KCNIP4: variants seen among roughly 807,000 people sequenced by gnomAD.
KCNIP4 encodes the protein potassium voltage-gated channel interacting protein 4, also known as Kv channel-interacting protein 4.
A neutral mutation model predicts 34.0 loss-of-function variants in KCNIP4; 12 were observed. That is an observed-to-expected ratio of 0.35 (90% confidence interval 0.23 to 0.57). The LOEUF (loss-of-function observed/expected upper bound fraction) is 0.57. Ranked by LOEUF, KCNIP4 falls within the 20% of genes least tolerant of loss-of-function variation. The probability of loss-of-function intolerance (pLI) is 0.83; values close to 1 mark genes in which losing one functional copy is unlikely to be tolerated. For missense variants in KCNIP4, 238 were observed against 311.7 expected, an observed-to-expected ratio of 0.76 and a Z score of 1.78; for synonymous variants, 124 against 102.2, an observed-to-expected ratio of 1.21 and a Z score of -1.29.
chr4:21,025,473 T>TGAGAGAGAGA (rs33926876), intron 1 of KCNIP4, among the ~76,000 whole-genome samples: 175 of 95,122 alleles, frequency 1.8e-3, no homozygotes, highest in African/African-American at 6.2e-3. Flanking sequence ...TGAAAACAAC[T>TGAGAGAGAGA]GAGAGAGAGA....
At chr4:21,138,567 T>G (rs796205530) in intron 1 of KCNIP4, among the ~76,000 whole-genome samples, 9 of 152,146 alleles carry the variant, frequency 5.9e-5, no homozygotes, top group African/African-American at 2.2e-4. Flanking sequence ...TTGTTTTACA[T>G]CCCTGTGGTT....
At chr4:21,399,239 G>A (rs1348054947) in intron 1 of KCNIP4, among the ~76,000 whole-genome samples, 1 of 152,176 alleles carries the variant, frequency 6.6e-6, no homozygotes, top group Non-Finnish European at 1.5e-5. Context: ...CCAGGGTGTA[G>A]GTTCTGTTAG....
intron 2 of KCNIP4, among the ~76,000 whole-genome samples, chr4:20,864,277 T>C (rs1722625131): frequency 6.6e-6 from 1 of 151,610 alleles, no homozygotes; most frequent in South Asian, 2.1e-4. Flanking sequence ...TGTACACATA[T>C]GTATGCATAT....
At chr4:21,404,102 C>G (rs1723770199) in intron 1 of KCNIP4, among the ~76,000 whole-genome samples, 1 of 152,210 alleles carries the variant, frequency 6.6e-6, no homozygotes, top group Non-Finnish European at 1.5e-5. Context: ...ACCTGTGGTT[C>G]TTGCTCTCAC....
intron 1 of KCNIP4, among the ~76,000 whole-genome samples, chr4:21,367,457 G>A: frequency 6.7e-6 from 1 of 148,914 alleles, no homozygotes; most frequent in East Asian, 2.0e-4. Context: ...TGTCCTGTAT[G>A]CTGGAGACTC....
intron 3 of KCNIP4, among the ~76,000 whole-genome samples, chr4:20,777,947 G>T (rs1756518727): frequency 6.6e-6 from 1 of 152,162 alleles, no homozygotes; most frequent in Admixed American, 6.5e-5. Flanking sequence ...CACAGCCTTG[G>T]TGGGAAGCTA....
chr4:21,297,781 TTTAC>T (rs890929755), intron 1 of KCNIP4, among the ~76,000 whole-genome samples: 38 of 69,638 alleles, frequency 5.5e-4, no homozygotes, highest in Admixed American at 2.1e-3. Context: ...TACCTATGCT[TTTAC>T]TAATGTCTCT....
At chr4:21,165,582 G>A (rs1034317843) in intron 1 of KCNIP4, among the ~76,000 whole-genome samples, 1 of 151,270 alleles carries the variant, frequency 6.6e-6, no homozygotes, top group African/African-American at 2.4e-5. Context: ...AATATAAAAT[G>A]ATACAACTTC....
At chr4:20,853,516 T>C (rs1721258086) in intron 2 of KCNIP4, among the ~76,000 whole-genome samples, 1 of 152,182 alleles carries the variant, frequency 6.6e-6, no homozygotes, top group South Asian at 2.1e-4. Context: ...GACTTAAATC[T>C]AAGACCAGAT....
chr4:21,317,563 GA>G (rs2109291412), intron 1 of KCNIP4, among the ~76,000 whole-genome samples: 1 of 152,278 alleles, frequency 6.6e-6, no homozygotes, highest in African/African-American at 2.4e-5. Context: ...GACAATGTGT[GA>G]CTATAAAGAA....
chr4:21,482,014 T>C (rs1577436212), intron 1 of KCNIP4, among the ~76,000 whole-genome samples: 1 of 152,184 alleles, frequency 6.6e-6, no homozygotes, highest in Non-Finnish European at 1.5e-5. Flanking sequence ...TGCATATATA[T>C]TTAGGATAGT....
intron 3 of KCNIP4, among the ~76,000 whole-genome samples, chr4:20,832,683 G>T (rs1352816680): frequency 2.0e-5 from 3 of 151,054 alleles, no homozygotes; most frequent in Admixed American, 1.3e-4. Context: ...GAAAAAAGTG[G>T]TTTTGCTTAT....
At chr4:21,761,514 C>G (rs1718051781) in intron 1 of KCNIP4, among the ~76,000 whole-genome samples, 1 of 152,008 alleles carries the variant, frequency 6.6e-6, no homozygotes, top group African/African-American at 2.4e-5. Context: ...AATGACCTCT[C>G]TCTCTTTTTT....
chr4:21,028,852 G>A (rs1292572111), intron 1 of KCNIP4, among the ~76,000 whole-genome samples: 1 of 152,160 alleles, frequency 6.6e-6, no homozygotes, highest in African/African-American at 2.4e-5. Flanking sequence ...TATGATGGAT[G>A]CAAGATCATT....
chr4:21,065,726 C>CTA (rs5856598), intron 1 of KCNIP4, among the ~76,000 whole-genome samples: 7,806 of 85,910 alleles, frequency 0.091, 333 homozygotes, highest in Non-Finnish European at 0.099. Context: ...TATCATTTGT[C>CTA]TATATATATA....
chr4:21,767,496 C>T (rs6448076), intron 1 of KCNIP4, among the ~76,000 whole-genome samples: 2 of 151,810 alleles, frequency 1.3e-5, no homozygotes, highest in East Asian at 1.9e-4. Flanking sequence ...AGAATGGTAA[C>T]GGCAGCTGGC....
At chr4:21,667,198 C>G (rs1749043350) in intron 1 of KCNIP4, among the ~76,000 whole-genome samples, 1 of 152,184 alleles carries the variant, frequency 6.6e-6, no homozygotes, top group Non-Finnish European at 1.5e-5. Flanking sequence ...AGGAAGATCT[C>G]ATAATTCTAT....
chr4:21,524,607 T>C (rs1289647672), intron 1 of KCNIP4, among the ~76,000 whole-genome samples: 2 of 152,164 alleles, frequency 1.3e-5, no homozygotes, highest in South Asian at 2.1e-4. Context: ...TTATTCGTTC[T>C]TTAGGTTTCA....
chr4:21,107,299 A>G (rs1359390314), intron 1 of KCNIP4, among the ~76,000 whole-genome samples: 2 of 140,854 alleles, frequency 1.4e-5, no homozygotes, highest in East Asian at 4.0e-4. Flanking sequence ...GGGTGCCTCT[A>G]TATTTAGGAT....
Sources: gnomAD v4.1 joint callset for allele counts (sites outside exome capture counted in the v4.1 genomes callset) on GRCh38, gnomAD v4.1.1 for gene constraint, MANE v1.5 for transcripts, NCBI Gene and HGNC (gene_info 2026-07-23, HGNC 2026-07-21) for gene names.